The following CPED1 variants were observed in gnomAD, a reference collection of about 807,000 sequenced individuals.
CPED1 encodes cadherin-like and PC-esterase domain-containing protein 1.
In CPED1, 114 loss-of-function variants were observed where a neutral mutation model predicts 128.2. The ratio of observed to expected loss-of-function variants is 0.89; its 90% confidence interval spans 0.76 to 1.04. The LOEUF (loss-of-function observed/expected upper bound fraction) is 1.04. CPED1 is among the 50% of genes least tolerant of loss of function. The pLI is 0.00. For synonymous variants in CPED1, 462 were observed against 426.7 expected (o/e 1.08, Z -1.02); for missense variants, 1,211 against 1,207.1 (o/e 1.00, Z -0.05).
intron 2 of CPED1, among the ~76,000 whole-genome samples, chr7:121,003,574 C>T (rs1041530362): frequency 6.6e-6 from 1 of 152,196 alleles, no homozygotes; most frequent in African/African-American, 2.4e-5. Flanking sequence ...GATACTTAAA[C>T]ATTCTAGAAT....
chr7:120,998,637 A>T (rs1796450603), intron 2 of CPED1, among the ~76,000 whole-genome samples: 1 of 152,204 alleles, frequency 6.6e-6, no homozygotes, highest in Admixed American at 6.5e-5. Context: ...GTCTTTGGAT[A>T]AGAAATGTCT....
chr7:121,155,744 ATAAAC>A (rs1224016528), intron 16 of CPED1, among the ~76,000 whole-genome samples: 1 of 152,238 alleles, frequency 6.6e-6, no homozygotes, highest in African/African-American at 2.4e-5. Flanking sequence ...ACCTGAAACT[ATAAAC>A]TAGCAGAAGA....
intron 3 of CPED1, among the ~76,000 whole-genome samples, chr7:121,024,932 G>A (rs986152961): frequency 6.6e-6 from 1 of 152,118 alleles, no homozygotes; most frequent in Non-Finnish European, 1.5e-5. Flanking sequence ...TGTTTGCTAC[G>A]CCAATGCATT....
chr7:121,223,554 CCT>C (rs755491557), intron 16 of CPED1, among the ~76,000 whole-genome samples: 5 of 151,842 alleles, frequency 3.3e-5, no homozygotes, highest in African/African-American at 7.3e-5. Flanking sequence ...TCTTTTTACC[CCT>C]GTTAGAATTT....
chr7:121,239,959 A>G (rs1798348636), intron 17 of CPED1, among the ~76,000 whole-genome samples: 1 of 152,192 alleles, frequency 6.6e-6, no homozygotes, highest in Admixed American at 6.5e-5. Flanking sequence ...TTTTTTGGAC[A>G]ATTTTAGTAA....
Position 121,015,790 on chromosome 7 carries a change from G to T in CPED1, c.375G>T (p.Thr125=), listed in dbSNP as rs141259188. 62 of 1,601,304 alleles carry T rather than the reference G, an allele frequency of 3.9e-5. No individual in the cohort carries two copies. Among genetic ancestry groups the T allele is most frequent in the Admixed American group, 2.1e-4 (12 of 56,496 alleles). Reference sequence around the variant, plus strand: ...ACATTCTGACTCAACATGGCTATACGGTTGTCATCGCTGAAGAAAGGCTCA... The same window carrying T: ...ACATTCTGACTCAACATGGCTATACTGTTGTCATCGCTGAAGAAAGGCTCA... ...HQHILTQHGY[T]VVIAEERLNA... is the part of the protein sequence containing the mutation. Residue 125 remains threonine (T), a synonymous_variant, in exon 3 of 23, where the codon ACG becomes ACT. Transcript: ENST00000310396.
intron 16 of CPED1, among the ~76,000 whole-genome samples, chr7:121,179,455 T>C (rs1340587649): frequency 2.0e-5 from 3 of 152,070 alleles, no homozygotes; most frequent in African/African-American, 2.4e-5. Context: ...TGAAGATAAA[T>C]TTATTCCCCA....
intron 16 of CPED1, among the ~76,000 whole-genome samples, chr7:121,205,784 T>C (rs1287844436): frequency 6.6e-6 from 1 of 152,096 alleles, no homozygotes; most frequent in Non-Finnish European, 1.5e-5. Flanking sequence ...AGTTCAAATG[T>C]AATTAATGTA....
chr7:121,107,711 C>T (rs1369389696), intron 7 of CPED1, among the ~76,000 whole-genome samples: 1 of 151,970 alleles, frequency 6.6e-6, no homozygotes, highest in Non-Finnish European at 1.5e-5. Context: ...GATTTTTACA[C>T]TTTTACTTTG....
intron 22 of CPED1, among the ~76,000 whole-genome samples, chr7:121,277,299 G>T (rs1792348707): frequency 6.6e-6 from 1 of 152,106 alleles, no homozygotes; most frequent in Non-Finnish European, 1.5e-5. Flanking sequence ...TGTTGTATTT[G>T]AGTTGCCTGT....
intron 16 of CPED1, among the ~76,000 whole-genome samples, chr7:121,146,698 A>G (rs1796031862): frequency 6.6e-6 from 1 of 152,194 alleles, no homozygotes; most frequent in South Asian, 2.1e-4. Context: ...AAACATTATT[A>G]AGTACCAACT....
chr7:121,147,869 A>G (rs545865053), intron 16 of CPED1, among the ~76,000 whole-genome samples: 155 of 152,298 alleles, frequency 1.0e-3, no homozygotes, highest in Non-Finnish European at 1.9e-3. Flanking sequence ...TTTTTAAAAA[A>G]TCAATTAGCC....
intron 16 of CPED1, among the ~76,000 whole-genome samples, chr7:121,147,880 A>G (rs139699785): frequency 3.9e-5 from 6 of 152,314 alleles, no homozygotes; most frequent in East Asian, 1.9e-4. Context: ...TCAATTAGCC[A>G]TCTAGATTCT....
At position 121,294,377 on chromosome 7, in the gene CPED1, C is replaced by T. The variant is rs548798131; in HGVS notation, c.2869-1063C>T. Reference sequence around the variant, plus strand: ...ACTTATGCATGATGCTTCTTAAAACCGCTGTTCTCTGTGGTGGGAAGATCT... The same window carrying T: ...ACTTATGCATGATGCTTCTTAAAACTGCTGTTCTCTGTGGTGGGAAGATCT... On this transcript the variant is annotated intron_variant, in intron 22 of 22. Transcript: ENST00000310396. Among the ~76,000 whole-genome samples the T allele has an allele frequency of 5.9e-5, 9 of 152,056 alleles. No homozygotes were observed. In the South Asian group the frequency reaches 1.0e-3, roughly 18 times the overall value.
intron 17 of CPED1, among the ~76,000 whole-genome samples, chr7:121,238,308 C>T (rs1463966040): frequency 1.3e-5 from 2 of 152,096 alleles, no homozygotes; most frequent in Non-Finnish European, 2.9e-5. Context: ...TTGAAGCCTC[C>T]ATAATCTGGC....
chr7:121,236,255 G>A (rs1798252369), intron 16 of CPED1, among the ~76,000 whole-genome samples: 2 of 152,094 alleles, frequency 1.3e-5, no homozygotes, highest in Non-Finnish European at 2.9e-5. Flanking sequence ...ATATAAGAAT[G>A]TGCTTTGAAT....
intron 3 of CPED1, among the ~76,000 whole-genome samples, chr7:121,035,871 A>T (rs1339011669): frequency 6.6e-6 from 1 of 151,758 alleles, no homozygotes; most frequent in Non-Finnish European, 1.5e-5. Context: ...AATAAAAAGG[A>T]GGAAGAGCGG....
chr7:121,098,175 G>A (rs1794746644), intron 6 of CPED1, among the ~76,000 whole-genome samples: 1 of 152,024 alleles, frequency 6.6e-6, no homozygotes, highest in Non-Finnish European at 1.5e-5. Context: ...AATATGGCTG[G>A]ATGCATTTTT....
intron 11 of CPED1, 52 bp from the exon 12 acceptor site, chr7:121,130,073 A>G: frequency 7.3e-7 from 1 of 1,370,406 alleles, no homozygotes; most frequent in Non-Finnish European, 1.0e-6. Flanking sequence ...TCATAGTAAT[A>G]CTACATTATA....
Sources: allele counts gnomAD v4.1 joint callset (sites outside exome capture counted in the v4.1 genomes callset), GRCh38; gene constraint gnomAD v4.1.1; transcripts MANE v1.5; gene names NCBI Gene and HGNC (gene_info 2026-07-23, HGNC 2026-07-21).